CEP128: variants seen among roughly 807,000 people sequenced by gnomAD.
CEP128 encodes centrosomal protein 128kDa.
Under a neutral mutation model 156.7 loss-of-function variants are expected in CEP128, and 132 were observed. The ratio of observed to expected loss-of-function variants is 0.84; its 90% confidence interval spans 0.73 to 0.97. CEP128 has a LOEUF of 0.97. Ranked by LOEUF, CEP128 falls within the 50% of genes least tolerant of loss-of-function variation. The pLI, the probability that CEP128 is intolerant of heterozygous loss-of-function variation, is 0.00. For missense variants in CEP128, 1,252 were observed against 1,281.9 expected, an observed-to-expected ratio of 0.98 and a Z score of 0.36; for synonymous variants, 469 against 448.9, an observed-to-expected ratio of 1.04 and a Z score of -0.57.
intron 18 of CEP128, among the ~76,000 whole-genome samples, chr14:80,752,971 ATCT>A (rs1899467863): frequency 6.6e-6 from 1 of 152,034 alleles, no homozygotes; most frequent in Admixed American, 6.6e-5. Context: ...ATATAAACAA[ATCT>A]TCTCCCTAAA....
chr14:80,887,576 C>G (rs1888869199), intron 8 of CEP128, among the ~76,000 whole-genome samples: 1 of 152,088 alleles, frequency 6.6e-6, no homozygotes, highest in African/African-American at 2.4e-5. Flanking sequence ...TTCTTTGAAA[C>G]CAATGAGAAC....
intron 19 of CEP128, among the ~76,000 whole-genome samples, chr14:80,604,804 A>G (rs1002341606): frequency 6.6e-6 from 1 of 152,146 alleles, no homozygotes; most frequent in Non-Finnish European, 1.5e-5. Context: ...TCTAGTTCAG[A>G]ATATTGTATA....
intron 24 of CEP128, among the ~76,000 whole-genome samples, chr14:80,502,502 T>C (rs148457573): frequency 6.6e-6 from 1 of 152,290 alleles, no homozygotes; most frequent in Non-Finnish European, 1.5e-5. Flanking sequence ...CTTTTCTCTC[T>C]ATTGTCTCAT....
At chr14:80,909,790 TA>T (rs1884103622) in intron 4 of CEP128, among the ~76,000 whole-genome samples, 1 of 152,108 alleles carries the variant, frequency 6.6e-6, no homozygotes, top group Non-Finnish European at 1.5e-5. Flanking sequence ...TGATAACTCC[TA>T]AAACACAAAA....
intron 12 of CEP128, among the ~76,000 whole-genome samples, chr14:80,833,603 T>A (rs959119047): frequency 8.5e-5 from 13 of 152,224 alleles, no homozygotes; most frequent in African/African-American, 3.1e-4. Flanking sequence ...CCCTCATGTG[T>A]GATCTTGGGC....
intron 14 of CEP128, among the ~76,000 whole-genome samples, chr14:80,479,533 G>C (rs1219997093): frequency 1.3e-5 from 2 of 152,170 alleles, no homozygotes; most frequent in South Asian, 2.1e-4. Flanking sequence ...ACTATCATGA[G>C]AATATCACGG....
intron 8 of CEP128, among the ~76,000 whole-genome samples, chr14:80,870,216 T>C (rs1220062905): frequency 6.6e-6 from 1 of 151,964 alleles, no homozygotes; most frequent in Non-Finnish European, 1.5e-5. Flanking sequence ...TCCAAAAAAC[T>C]GAAGATAAGA....
intron 19 of CEP128, among the ~76,000 whole-genome samples, chr14:80,612,104 C>A (rs1893016474): frequency 6.6e-6 from 1 of 151,782 alleles, no homozygotes; most frequent in Admixed American, 6.6e-5. Flanking sequence ...ATATGAGTAC[C>A]CGGTAATAGG....
intron 19 of CEP128, among the ~76,000 whole-genome samples, chr14:80,620,549 G>A (rs74669572): frequency 0.077 from 11,770 of 152,186 alleles, 542 homozygotes; most frequent in African/African-American, 0.12. Flanking sequence ...GAAGATAGCA[G>A]CAACAAGAGA....
At chr14:80,844,393 T>C (rs2140095716) in intron 9 of CEP128, among the ~76,000 whole-genome samples, 1 of 152,134 alleles carries the variant, frequency 6.6e-6, no homozygotes, top group South Asian at 2.1e-4. Context: ...CTTTGGTAGG[T>C]GAAAAGTAGA....
chr14:80,682,007 C>T (rs967038586), intron 19 of CEP128, among the ~76,000 whole-genome samples: 12 of 152,056 alleles, frequency 7.9e-5, no homozygotes, highest in Non-Finnish European at 1.8e-4. Flanking sequence ...ACTCAGGAGG[C>T]TTAGACAGAA....
chr14:80,833,732 G>A (rs757811697), intron 12 of CEP128, among the ~76,000 whole-genome samples: 2 of 152,106 alleles, frequency 1.3e-5, no homozygotes, highest in African/African-American at 2.4e-5. Context: ...AGCCAGAATA[G>A]GTAAGACAAG....
At chr14:80,580,887 T>C (rs1891563992) in intron 19 of CEP128, among the ~76,000 whole-genome samples, 1 of 152,128 alleles carries the variant, frequency 6.6e-6, no homozygotes, top group Non-Finnish European at 1.5e-5. Context: ...TATAACCAAA[T>C]TAAAACACCC....
intron 19 of CEP128, among the ~76,000 whole-genome samples, chr14:80,677,209 A>C (rs1388986613): frequency 6.6e-6 from 1 of 152,186 alleles, no homozygotes; most frequent in African/African-American, 2.4e-5. Context: ...ATCTACAGAT[A>C]TATTACAGGT....
chr14:80,598,994 G>A (rs1009610015), intron 19 of CEP128, among the ~76,000 whole-genome samples: 1 of 152,120 alleles, frequency 6.6e-6, no homozygotes, highest in Non-Finnish European at 1.5e-5. Flanking sequence ...TTGTGATAAT[G>A]TACAATGATT....
chr14:80,896,002 A>G (rs1889335121), intron 7 of CEP128, among the ~76,000 whole-genome samples: 1 of 152,130 alleles, frequency 6.6e-6, no homozygotes. Flanking sequence ...ATCTGAGATG[A>G]GGCCCAAGAA....
intron 13 of CEP128, among the ~76,000 whole-genome samples, chr14:80,802,123 G>A (rs1883906592): frequency 6.6e-6 from 1 of 152,028 alleles, no homozygotes; most frequent in Admixed American, 6.6e-5. Flanking sequence ...GTGGAAGACA[G>A]TAGGGTGATT....
intron 13 of CEP128, among the ~76,000 whole-genome samples, chr14:80,807,113 G>T (rs1175493986): frequency 2.0e-5 from 3 of 151,952 alleles, no homozygotes; most frequent in African/African-American, 7.2e-5. Flanking sequence ...ATGGAAAGGG[G>T]TGGCTTTGGG....
chr14:80,586,415 T>C (rs940296216), intron 19 of CEP128, among the ~76,000 whole-genome samples: 1 of 152,182 alleles, frequency 6.6e-6, no homozygotes. Context: ...CAATGTCACA[T>C]AGCTAGTTAA....
Sources: gnomAD v4.1 joint callset for allele counts (sites outside exome capture counted in the v4.1 genomes callset) on GRCh38, gnomAD v4.1.1 for gene constraint, MANE v1.5 for transcripts, NCBI Gene and HGNC (gene_info 2026-07-23, HGNC 2026-07-21) for gene names.